Variants in SNX10 observed in about 807,000 individuals in gnomAD.
SNX10 encodes the protein sorting nexin-10.
A neutral mutation model predicts 28.5 loss-of-function variants in SNX10; 25 were observed. The observed-to-expected ratio is 0.88, with a 90% confidence interval of 0.64 to 1.22. The LOEUF is 1.22. Among genes scored for constraint, SNX10 ranks in the 50% most tolerant of loss-of-function variants. The probability of loss-of-function intolerance (pLI) is 0.00; values close to 1 mark genes in which losing one functional copy is unlikely to be tolerated. For missense variants in SNX10, 223 were observed against 242.6 expected (o/e 0.92, Z 0.54); for synonymous variants, 62 against 81.4 (o/e 0.76, Z 1.28).
intron 1 of SNX10, among the ~76,000 whole-genome samples, chr7:26,333,337 T>C (rs1010692603): frequency 6.1e-5 from 9 of 146,982 alleles, no homozygotes; most frequent in African/African-American, 2.0e-4. Flanking sequence ...TTTTTTTTTT[T>C]TTTTTGAGAC....
At chr7:26,324,317 G>T (rs1387536211) in intron 1 of SNX10, among the ~76,000 whole-genome samples, 1 of 152,176 alleles carries the variant, frequency 6.6e-6, no homozygotes, top group Non-Finnish European at 1.5e-5. Flanking sequence ...GTTCATTGTG[G>T]TGGTTTATGG....
At chr7:26,310,592 C>A (rs531815413) in intron 1 of SNX10, among the ~76,000 whole-genome samples, 2 of 151,822 alleles carry the variant, frequency 1.3e-5, no homozygotes, top group African/African-American at 4.8e-5. Flanking sequence ...GAAGGAGCCA[C>A]CTTGGTGAGT....
In SNX10 at chr7:26,337,856, A is replaced by C. The variant is rs1038407639; in HGVS notation, c.-23-8564A>C. 5.3e-5 allele frequency among the ~76,000 whole-genome samples: 8 copies of C among 152,240 alleles called. 1 individual carries two copies. Among genetic ancestry groups the C allele is most frequent in the African/African-American group, 1.9e-4 (8 of 41,546 alleles). ...AAGTGGAATTCCTGGATCATGTGGTAGTTTTCTGTAATTTTTTGAGGAACT... is the reference window on the plus strand; with the variant it reads ...AAGTGGAATTCCTGGATCATGTGGTCGTTTTCTGTAATTTTTTGAGGAACT... On this transcript the variant is annotated intron_variant, in intron 1 of 6. Transcript: ENST00000338523.
intron 1 of SNX10, among the ~76,000 whole-genome samples, chr7:26,315,807 T>G (rs1464006291): frequency 6.6e-6 from 1 of 152,176 alleles, no homozygotes; most frequent in East Asian, 1.9e-4. Flanking sequence ...TAAATAAAAT[T>G]GAAGCTGACA....
At chr7:26,329,310 G>A (rs760265129) in intron 1 of SNX10, among the ~76,000 whole-genome samples, 2 of 152,056 alleles carry the variant, frequency 1.3e-5, no homozygotes, top group African/African-American at 2.4e-5. Flanking sequence ...CACTCTTCCC[G>A]CAGTGTTCCT....
intron 2 of SNX10, among the ~76,000 whole-genome samples, chr7:26,350,786 C>T (rs1181232946): frequency 6.9e-6 from 1 of 145,356 alleles, no homozygotes; most frequent in Non-Finnish European, 1.5e-5. Flanking sequence ...TTACAGTCTT[C>T]TGTAAGCAAA....
At chr7:26,330,940 T>C (rs1335185464) in intron 1 of SNX10, among the ~76,000 whole-genome samples, 1 of 151,996 alleles carries the variant, frequency 6.6e-6, no homozygotes, top group African/African-American at 2.4e-5. Flanking sequence ...ACTTGAGCCC[T>C]GGAATTCAAG....
chr7:26,352,462 A>G (rs34757705), intron 2 of SNX10, among the ~76,000 whole-genome samples: 5,885 of 152,292 alleles, frequency 0.039, 144 homozygotes, highest in East Asian at 0.11. Flanking sequence ...GGTAGAGATG[A>G]TAATAAAATG....
rs11386172 is a variant in SNX10, at chr7:26,353,437, C to CTTTTT, written c.24+6990_24+6994dup. On this transcript the variant is annotated intron_variant, in intron 2 of 6. Transcript: ENST00000338523. ...CTGGTGATTAACACACTGGTAAATG[C>CTTTTT]TTTTTTTTTTTTTTTTTTTTTTTGG... Among the ~76,000 whole-genome samples, 6 of 74,364 alleles carry CTTTTT rather than the reference C, an allele frequency of 8.1e-5. 1 individual carries two copies. The highest frequency in any genetic ancestry group is 5.0e-4 in the South Asian group (1 of 1,992). The allele number at this position is 74,364 out of a possible 152,430, so 48.8% of individuals were successfully genotyped here.
intron 2 of SNX10, among the ~76,000 whole-genome samples, chr7:26,356,239 G>A (rs1024467908): frequency 8.5e-5 from 13 of 152,232 alleles, no homozygotes; most frequent in African/African-American, 3.1e-4. Flanking sequence ...AGAACAGCAG[G>A]GACAGTTAGT....
chr7:26,317,082 C>T (rs1246051873), intron 1 of SNX10, among the ~76,000 whole-genome samples: 4 of 152,240 alleles, frequency 2.6e-5, no homozygotes, highest in Non-Finnish European at 4.4e-5. Context: ...TTGTAATTTA[C>T]GGTTTGGTGG....
intron 1 of SNX10, among the ~76,000 whole-genome samples, chr7:26,344,305 G>A (rs1788297256): frequency 6.6e-6 from 1 of 151,538 alleles, no homozygotes; most frequent in East Asian, 1.9e-4. Context: ...CTGAGTAGCT[G>A]AGACCACGGG....
intron 3 of SNX10, among the ~76,000 whole-genome samples, chr7:26,363,701 A>G (rs1260008032): frequency 6.6e-6 from 1 of 152,208 alleles, no homozygotes; most frequent in Non-Finnish European, 1.5e-5. Context: ...TGAGCTTAGC[A>G]TGGGGACACC....
rs545003731 is a variant in SNX10 at position 26,295,222 on chromosome 7, AC to A, written c.-24+3137del. ...CTTTCAAATATATGATGTCATTTTTACTTTTTTTTTTGATACTTTTGTAGAG... is the reference window on the plus strand; with the variant it reads ...CTTTCAAATATATGATGTCATTTTTATTTTTTTTTTGATACTTTTGTAGAG... On this transcript the variant is annotated intron_variant, in intron 1 of 6. Transcript: ENST00000338523. 2.1e-3 allele frequency among the ~76,000 whole-genome samples: 314 copies of A among 151,418 alleles called. 1 individual carries two copies. The highest frequency in any genetic ancestry group is 7.1e-3 in the African/African-American group (292 of 41,338).
At chr7:26,315,911 G>T (rs565287700) in intron 1 of SNX10, among the ~76,000 whole-genome samples, 1 of 151,890 alleles carries the variant, frequency 6.6e-6, no homozygotes, top group East Asian at 1.9e-4. Context: ...GGCTGGGCGC[G>T]ATGGCTCACT....
intron 3 of SNX10, 123 bp downstream of exon 3, chr7:26,361,184 C>T (rs1243358913): frequency 1.0e-6 from 1 of 974,752 alleles, no homozygotes; most frequent in Admixed American, 3.5e-5. Flanking sequence ...ATGATTACAA[C>T]TAATGCTTTT....
chr7:26,328,746 A>G (rs1042331331), intron 1 of SNX10, among the ~76,000 whole-genome samples: 3 of 152,048 alleles, frequency 2.0e-5, no homozygotes, highest in Admixed American at 2.0e-4. Context: ...AGTGGGGAGA[A>G]TGCCTTCTTT....
chr7:26,298,221 A>C (rs77047075), intron 1 of SNX10, among the ~76,000 whole-genome samples: 2 of 151,928 alleles, frequency 1.3e-5, no homozygotes, highest in Non-Finnish European at 2.9e-5. Flanking sequence ...ACTCAGTCTC[A>C]AAAAAAAGGG....
At chr7:26,338,358 A>G (rs912855591) in intron 1 of SNX10, among the ~76,000 whole-genome samples, 2 of 152,044 alleles carry the variant, frequency 1.3e-5, no homozygotes, top group African/African-American at 4.8e-5. Flanking sequence ...GACAGAGCCA[A>G]TTTATAAAGA....
Sources: allele counts gnomAD v4.1 joint callset (sites outside exome capture counted in the v4.1 genomes callset), GRCh38; gene constraint gnomAD v4.1.1; transcripts MANE v1.5; gene names NCBI Gene and HGNC (gene_info 2026-07-23, HGNC 2026-07-21).